BASP1: variants seen among roughly 807,000 people sequenced by gnomAD.
BASP1 encodes brain acid soluble protein 1.
Under a neutral mutation model 2.2 loss-of-function variants are expected in BASP1, and 1 was observed. That is an observed-to-expected ratio of 0.46 (90% CI 0.16 to 2.17). BASP1 has a LOEUF of 2.17. Ranked by LOEUF, BASP1 falls within the 30% of genes most tolerant of loss-of-function variation. The probability of loss-of-function intolerance (pLI) is 0.27; values close to 1 mark genes in which losing one functional copy is unlikely to be tolerated. For missense variants in BASP1, 352 were observed against 327.2 expected (o/e 1.08, Z -0.58); for synonymous variants, 187 against 154.2 (o/e 1.21, Z -1.58).
intron 1 of BASP1, among the ~76,000 whole-genome samples, chr5:17,218,091 GA>G (rs1445483525): frequency 6.6e-6 from 1 of 151,800 alleles, no homozygotes; most frequent in East Asian, 1.9e-4. Flanking sequence ...GAGCTGGGGG[GA>G]GGGGGCTGTC....
In BASP1 at chr5:17,253,351, C is replaced by A. The variant is rs1740137383; in HGVS notation, c.-9-21857C>A. On this transcript the variant is annotated intron_variant, in intron 1 of 1. Coordinates refer to ENST00000322611, the MANE Select transcript of BASP1 (RefSeq NM_006317.5). ...TTAGCCTTCCCAGTAGCTGGGACTA[C>A]AGGCGTACGCCACCATGCCCAGCTA... is the stretch of plus-strand genomic sequence containing the variant. 2.6e-5 allele frequency among the ~76,000 whole-genome samples: 4 copies of A among 152,292 alleles called. No homozygotes were observed. In the South Asian group the frequency reaches 8.3e-4, roughly 32 times the overall value.
At chr5:17,274,508 A>G (rs1483798916) in intron 1 of BASP1, among the ~76,000 whole-genome samples, 1 of 152,222 alleles carries the variant, frequency 6.6e-6, no homozygotes, top group Non-Finnish European at 1.5e-5. Flanking sequence ...TAAAATTGCA[A>G]CGCCTTTCTC....
chr5:17,234,639 G>T (rs191664270), intron 1 of BASP1, among the ~76,000 whole-genome samples: 1 of 152,316 alleles, frequency 6.6e-6, no homozygotes, highest in Admixed American at 6.5e-5. Context: ...TTGCAGAATT[G>T]ATGTTTGTTT....
Position 17,224,464 on chromosome 5 carries a change from A to G in BASP1, c.-10+6654A>G, listed in dbSNP as rs866057956. ...TATGGACTCTTCAGGGGGGGAAAAA[A>G]GGGGAAGGGGGGCTCTTGAATAAAA... On this transcript the variant is annotated intron_variant, in intron 1 of 1. Coordinates refer to ENST00000322611, the MANE Select transcript of BASP1 (RefSeq NM_006317.5). 1.6e-4 allele frequency among the ~76,000 whole-genome samples: 21 copies of G among 134,384 alleles called. 1 individual carries two copies. Among genetic ancestry groups the G allele is most frequent in the African/African-American group, 3.6e-4 (13 of 36,524 alleles). The allele number at this position is 134,384 out of a possible 152,430, so 88.2% of individuals were successfully genotyped here. A position where few individuals can be genotyped will look rare whatever the true frequency, so the allele number is the denominator to read the frequency against.
intron 1 of BASP1, among the ~76,000 whole-genome samples, chr5:17,263,363 G>T (rs1740356855): frequency 6.6e-6 from 1 of 151,304 alleles, no homozygotes. Context: ...TCAAACTCCT[G>T]GGCTCAAGTG....
At chr5:17,250,709 A>G (rs1482826508) in intron 1 of BASP1, among the ~76,000 whole-genome samples, 1 of 152,008 alleles carries the variant, frequency 6.6e-6, no homozygotes, top group African/African-American at 2.4e-5. Flanking sequence ...GGTTCATGCC[A>G]TTCTCCTGCC....
chr5:17,275,987 C>CT lies in BASP1; in HGVS notation c.*87_*88insT, dbSNP rs1740652685. On this transcript the variant is annotated 3_prime_UTR_variant, in exon 2 of 2. Coordinates refer to ENST00000322611, the MANE Select transcript of BASP1 (RefSeq NM_006317.5). The surrounding 1 kb of genome is among the most constrained non-coding windows in gnomAD (Gnocchi z 5.3). ...TCTCTCTCTATCTCTCTCTCTATCT[C>CT]CTCTCTCTCTCTCCTCTCCTATCTC... 8.7e-7 allele frequency: 1 copy of CT among 1,154,872 alleles called. No individual in the cohort carries two copies. The highest frequency in any genetic ancestry group is 1.9e-5 in the South Asian group (1 of 53,470). 71.5% of individuals were successfully genotyped at this position (1,154,872 alleles called of 1,614,324 possible).
intron 1 of BASP1, among the ~76,000 whole-genome samples, chr5:17,241,184 C>G (rs1458356470): frequency 6.6e-6 from 1 of 151,666 alleles, no homozygotes; most frequent in African/African-American, 2.4e-5. Context: ...ACTGCAACTC[C>G]CACCTCTCAG....
chr5:17,250,309 T>C (rs1740075849), intron 1 of BASP1, among the ~76,000 whole-genome samples: 2 of 152,234 alleles, frequency 1.3e-5, no homozygotes. Flanking sequence ...TTTACAAAAC[T>C]TTGCACTTCG....
intron 1 of BASP1, among the ~76,000 whole-genome samples, chr5:17,235,264 C>CT (rs70943880): frequency 0.33 from 47,356 of 141,764 alleles, 8,042 homozygotes; most frequent in East Asian, 0.49. Context: ...TTATGTTTTT[C>CT]TTTTTTTTTT....
At chr5:17,267,833 T>TTTTTTTTG in intron 1 of BASP1, among the ~76,000 whole-genome samples, 1 of 148,108 alleles carries the variant, frequency 6.8e-6, no homozygotes, top group African/African-American at 2.5e-5. Flanking sequence ...TTTTTTTTTT[T>TTTTTTTTG]TTTTTTTTGC....
At chr5:17,233,876 G>A (rs298526) in intron 1 of BASP1, among the ~76,000 whole-genome samples, 37,798 of 151,640 alleles carry the variant, frequency 0.25, 4,785 homozygotes, top group East Asian at 0.33. Context: ...CGCCTGTAAT[G>A]CCAGCACTTT....
Position 17,221,778 on chromosome 5 carries a change from G to T in BASP1, c.-10+3968G>T, listed in dbSNP as rs1579478174. ...TGGACAACTATTAGGAAGGAACTGT[G>T]AGGTTGCAAATAGAATATTTTGAAA... On this transcript the variant is annotated intron_variant, in intron 1 of 1. Coordinates refer to ENST00000322611, the MANE Select transcript of BASP1 (RefSeq NM_006317.5). Among the ~76,000 whole-genome samples, 7 of 152,266 alleles carry T rather than the reference G, an allele frequency of 4.6e-5. 1 individual carries two copies. The highest frequency in any genetic ancestry group is 4.6e-4 in the Admixed American group (7 of 15,300).
chr5:17,267,285 G>C (rs997396501), intron 1 of BASP1, among the ~76,000 whole-genome samples: 1 of 152,194 alleles, frequency 6.6e-6, no homozygotes. Flanking sequence ...TCCACAGCCA[G>C]GGCACTGTGA....
chr5:17,254,607 T>C (rs1740164088), intron 1 of BASP1, among the ~76,000 whole-genome samples: 1 of 152,250 alleles, frequency 6.6e-6, no homozygotes, highest in South Asian at 2.1e-4. Flanking sequence ...GGATCTGCAG[T>C]GCATCATGGT....
rs116129613 is a variant in BASP1 at position 17,228,817 on chromosome 5, G to A, written c.-10+11007G>A. Among the ~76,000 whole-genome samples, 1,187 of 152,274 alleles carry A rather than the reference G, an allele frequency of 7.8e-3. 14 individuals are homozygous for A. The highest frequency in any genetic ancestry group is 0.041 in the Middle Eastern group (12 of 294). ...ATTGATCCGCATTGGCTAAGCATACGACTAAAGCGGGATTCTTTGTCTTTT... is the reference window on the plus strand; with the variant it reads ...ATTGATCCGCATTGGCTAAGCATACAACTAAAGCGGGATTCTTTGTCTTTT... On this transcript the variant is annotated intron_variant, in intron 1 of 1. Transcript: ENST00000322611.
rs1453279717 is a variant in BASP1, at chr5:17,236,544, C to T, written c.-10+18734C>T. ...CCTCCCAAAGTGCTGGGATTACAGG[C>T]GTGAGCCACCGCGCTCGGCCGAGAG... On this transcript the variant is annotated intron_variant, in intron 1 of 1. Coordinates refer to ENST00000322611, the MANE Select transcript of BASP1 (RefSeq NM_006317.5). The surrounding 1 kb of genome is among the most constrained non-coding windows in gnomAD (Gnocchi z 4.0). Among the ~76,000 whole-genome samples, 9 of 152,176 alleles carry T rather than the reference C, an allele frequency of 5.9e-5. No homozygotes were observed. Among genetic ancestry groups the T allele is most frequent in the African/African-American group, 1.4e-4 (6 of 41,450 alleles).
intron 1 of BASP1, among the ~76,000 whole-genome samples, chr5:17,270,333 G>A (rs2937188): frequency 0.3 from 46,006 of 151,904 alleles, 7,430 homozygotes; most frequent in East Asian, 0.4. Context: ...TCCAATACTC[G>A]TTCTAATTGG....
Position 17,260,951 on chromosome 5 carries a change from GGATT to G in BASP1, c.-9-14251_-9-14248del, listed in dbSNP as rs1740300765. Among the ~76,000 whole-genome samples, 1 of 152,172 alleles carries G rather than the reference GGATT, an allele frequency of 6.6e-6. No individual in the cohort carries two copies. Among genetic ancestry groups the G allele is most frequent in the South Asian group, 2.1e-4 (1 of 4,818 alleles). On this transcript the variant is annotated intron_variant, in intron 1 of 1. Coordinates refer to ENST00000322611, the MANE Select transcript of BASP1 (RefSeq NM_006317.5). This position sits in a 1 kb window ranked among gnomAD's most constrained non-coding sequence, Gnocchi z 4.2. ...AGCACTTTGGGAGACCAGGGTGGGA[GGATT>G]GATTGCTTGAGCTCAGGAGTTAAAG... is the stretch of plus-strand genomic sequence containing the variant.
Sources: gnomAD v4.1 joint callset for allele counts (sites outside exome capture counted in the v4.1 genomes callset) on GRCh38, gnomAD v4.1.1 for gene constraint, Gnocchi (gnomAD v3.1) non-coding constraint, MANE v1.5 for transcripts, NCBI Gene and HGNC (gene_info 2026-07-23, HGNC 2026-07-21) for gene names.